ZNF160: variants seen among roughly 807,000 people sequenced by gnomAD.
The protein encoded by ZNF160 is zinc finger protein 160.
Under a neutral mutation model 13.1 loss-of-function variants are expected in ZNF160, and 9 were observed. That is an observed-to-expected ratio of 0.69 (90% CI 0.41 to 1.20). The LOEUF (loss-of-function observed/expected upper bound fraction) is 1.20, where lower values mean the gene tolerates loss of function less well. Among genes scored for constraint, ZNF160 ranks in the 50% most tolerant of loss-of-function variants. The pLI, the probability that ZNF160 is intolerant of heterozygous loss-of-function variation, is 0.01. For synonymous variants in ZNF160, 293 were observed against 333.2 expected (o/e 0.88, Z 1.31); for missense variants, 838 against 988.0 (o/e 0.85, Z 2.04).
intron 1 of ZNF160, among the ~76,000 whole-genome samples, chr19:53,101,109 T>C (rs1448415282): frequency 6.6e-6 from 1 of 150,476 alleles, no homozygotes; most frequent in Non-Finnish European, 1.5e-5. Context: ...TGAAATCCCG[T>C]CTCTACTAAA....
chr19:53,087,445 A>T (rs963997680), intron 2 of ZNF160, among the ~76,000 whole-genome samples: 1 of 152,240 alleles, frequency 6.6e-6, no homozygotes, highest in East Asian at 1.9e-4. Context: ...CATGACAAGA[A>T]GTTCAGCTGA....
chr19:53,102,723 C>T (rs1237480538), intron 1 of ZNF160, among the ~76,000 whole-genome samples: 3 of 152,184 alleles, frequency 2.0e-5, no homozygotes, highest in African/African-American at 7.2e-5. Flanking sequence ...TTGGGCCACA[C>T]ATTCACTGGA....
At chr19:53,076,295 G>A (rs1392303650) in intron 3 of ZNF160, among the ~76,000 whole-genome samples, 2 of 152,176 alleles carry the variant, frequency 1.3e-5, no homozygotes, top group African/African-American at 2.4e-5. Flanking sequence ...TTGACATACT[G>A]AGTGATATTC....
At chr19:53,092,090 G>A (rs999907928) in intron 1 of ZNF160, among the ~76,000 whole-genome samples, 5 of 152,080 alleles carry the variant, frequency 3.3e-5, no homozygotes, top group Admixed American at 6.6e-5. Flanking sequence ...TACATATGGC[G>A]TAATTTGAAA....
At chr19:53,088,404 G>A (rs958634413) in intron 2 of ZNF160, among the ~76,000 whole-genome samples, 3 of 151,522 alleles carry the variant, frequency 2.0e-5, no homozygotes, top group Admixed American at 1.3e-4. Flanking sequence ...GGCCGCACAC[G>A]GCTCACGCTT....
chr19:53,081,055 T>C (rs531155616), intron 3 of ZNF160, among the ~76,000 whole-genome samples: 59 of 152,280 alleles, frequency 3.9e-4, no homozygotes, highest in African/African-American at 1.3e-3. Flanking sequence ...TCTCTCACCA[T>C]ATAAAAAAAT....
chr19:53,067,958 T>C lies in ZNF160; in HGVS notation c.*119A>G. ...TGTCTCTTGCTTATGGCCTCTCATATCTATTAATGCTTCAACTCATGAGGG... is the reference window on the plus strand; with the variant it reads ...TGTCTCTTGCTTATGGCCTCTCATACCTATTAATGCTTCAACTCATGAGGG... On this transcript the variant is annotated 3_prime_UTR_variant, in exon 6 of 6. Transcript: ENST00000683776. 1 of 1,380,786 alleles carries C rather than the reference T, an allele frequency of 7.2e-7. No individual in the cohort carries two copies. The highest frequency in any genetic ancestry group is 9.8e-7 in the Non-Finnish European group (1 of 1,020,018). 85.5% of individuals were successfully genotyped at this position (1,380,786 alleles called of 1,614,324 possible). A position where few individuals can be genotyped will look rare whatever the true frequency, so the allele number is the denominator to read the frequency against.
At chr19:53,100,774 G>A (rs1014691392) in intron 1 of ZNF160, among the ~76,000 whole-genome samples, 3 of 151,766 alleles carry the variant, frequency 2.0e-5, no homozygotes, top group African/African-American at 7.3e-5. Context: ...CTTGAGATCA[G>A]GAGTTTAAGA....
intron 3 of ZNF160, among the ~76,000 whole-genome samples, chr19:53,082,460 C>T (rs1419359280): frequency 6.6e-6 from 1 of 152,070 alleles, no homozygotes; most frequent in East Asian, 1.9e-4. Context: ...GGCAGGAGTA[C>T]TGCTTGAGCT....
chr19:53,073,357 G>T, intron 5 of ZNF160: 1 of 1,598,282 alleles, frequency 6.3e-7, no homozygotes, highest in East Asian at 2.2e-5. Context: ...GAACCCACTC[G>T]CTTATCACAC....
chr19:53,071,272 T>C (rs1454237564), intron 5 of ZNF160, among the ~76,000 whole-genome samples: 1 of 151,728 alleles, frequency 6.6e-6, no homozygotes, highest in African/African-American at 2.4e-5. Context: ...CTGAGGGTGC[T>C]GGGTGCGGTG....
In ZNF160 at chr19:53,073,926, C is replaced by T. The variant is rs185817932; in HGVS notation, c.271+214G>A. ...TCAGCCTCCTGAGTAGCTGGGACTACAGGCACACGCCACCATGCCCGGCTA... is the reference window on the plus strand; with the variant it reads ...TCAGCCTCCTGAGTAGCTGGGACTATAGGCACACGCCACCATGCCCGGCTA... On this transcript the variant is annotated intron_variant, in intron 5 of 5. Coordinates refer to ENST00000683776, the MANE Select transcript of ZNF160 (RefSeq NM_001322131.2). Among the ~76,000 whole-genome samples, 10 of 152,222 alleles carry T rather than the reference C, an allele frequency of 6.6e-5. No homozygotes were observed. The East Asian group carries it at 1.9e-3, about 29-fold the overall frequency.
chr19:53,070,668 C>T (rs933073299), intron 5 of ZNF160, among the ~76,000 whole-genome samples: 2 of 152,124 alleles, frequency 1.3e-5, no homozygotes, highest in African/African-American at 4.8e-5. Flanking sequence ...CCTGCCTCGG[C>T]CTCCCAAAGT....
At chr19:53,087,159 G>C (rs982573650) in intron 2 of ZNF160, among the ~76,000 whole-genome samples, 2 of 152,188 alleles carry the variant, frequency 1.3e-5, no homozygotes, top group African/African-American at 4.8e-5. Context: ...AGCCCACATG[G>C]AAGCCTTGAG....
chr19:53,083,988 T>C lies in ZNF160; in HGVS notation c.15+2274A>G, dbSNP rs185013421. ...CCTACTTAGCCCTTTAGAAATACAC[T>C]TATAACCTTTTACCTCCCCTTCAGC... On this transcript the variant is annotated intron_variant, in intron 3 of 5. Coordinates refer to ENST00000683776, the MANE Select transcript of ZNF160 (RefSeq NM_001322131.2). Among the ~76,000 whole-genome samples, 538 of 152,272 alleles carry C rather than the reference T, an allele frequency of 3.5e-3. 3 individuals carry two copies. The highest frequency in any genetic ancestry group is 0.012 in the African/African-American group (515 of 41,542).
intron 5 of ZNF160, chr19:53,073,286 A>C: frequency 6.4e-7 from 1 of 1,560,962 alleles, no homozygotes; most frequent in Non-Finnish European, 8.6e-7. Context: ...ACTGAGGATC[A>C]ATGACAGAAG....
intron 5 of ZNF160, among the ~76,000 whole-genome samples, chr19:53,072,385 C>A (rs1381465099): frequency 6.6e-6 from 1 of 152,208 alleles, no homozygotes; most frequent in Non-Finnish European, 1.5e-5. Flanking sequence ...TAGGCGTGAG[C>A]CTCTATACCT....
intron 3 of ZNF160, among the ~76,000 whole-genome samples, chr19:53,080,219 C>A (rs1192264529): frequency 6.6e-6 from 1 of 151,922 alleles, no homozygotes; most frequent in Non-Finnish European, 1.5e-5. Flanking sequence ...CTGCCTCAGC[C>A]TTCCTAAGTA....
intron 3 of ZNF160, chr19:53,085,251 G>A (rs2084787353): frequency 1.0e-6 from 1 of 978,682 alleles, no homozygotes; most frequent in Non-Finnish European, 1.2e-6. Flanking sequence ...TTCAAAACTT[G>A]CAGGTTAACA....
Sources: allele counts gnomAD v4.1 joint callset (sites outside exome capture counted in the v4.1 genomes callset), GRCh38; gene constraint gnomAD v4.1.1; transcripts MANE v1.5; gene names NCBI Gene and HGNC (gene_info 2026-07-23, HGNC 2026-07-21).